Variants in SMARCC1 observed in about 807,000 individuals in gnomAD.
The protein encoded by SMARCC1 is SWI/SNF complex subunit SMARCC1.
A neutral mutation model predicts 147.4 loss-of-function variants in SMARCC1; 43 were observed. That is an observed-to-expected ratio of 0.29 (90% CI 0.23 to 0.38). The LOEUF is 0.38. Ranked by LOEUF, SMARCC1 falls within the 10% of genes least tolerant of loss-of-function variation. The pLI, the probability that SMARCC1 is intolerant of heterozygous loss-of-function variation, is 1.00. For synonymous variants in SMARCC1, 495 were observed against 484.4 expected (o/e 1.02, Z -0.29); for missense variants, 1,119 against 1,381.1 (o/e 0.81, Z 3.01).
chr3:47,694,238 A>G (rs1200136227), intron 11 of SMARCC1, among the ~76,000 whole-genome samples: 1 of 152,332 alleles, frequency 6.6e-6, no homozygotes, highest in Non-Finnish European at 1.5e-5. Flanking sequence ...TTGTGGGTGC[A>G]TGCAATTATT....
intron 21 of SMARCC1, among the ~76,000 whole-genome samples, chr3:47,649,962 T>C (rs1430114278): frequency 1.3e-5 from 2 of 152,164 alleles, no homozygotes; most frequent in African/African-American, 4.8e-5. Flanking sequence ...CAAAGAATCA[T>C]CGAATGTCTT....
rs2033997080 is a variant in SMARCC1 at position 47,706,529 on chromosome 3, G to A, written c.920C>T (p.Pro307Leu). The change falls in exon 10 of 28, where the codon CCA becomes CTA. Residue 307 changes from proline (P) to leucine (L), a missense_variant and splice_region_variant. By Grantham distance (98) the Pro-to-Leu change is moderately conservative. Around this residue, in one of 6 missense-constraint regions of SMARCC1, gnomAD observed 542 missense variants for 611.8 expected, o/e 0.89. Transcript: ENST00000254480. ...ATCTCTTCTTTCTGGACTTCTGACT[G>A]GCTAGGAAGAAGTAAATGGAAATAA... ...RQRISTKNEE[P>L]VRSPERRDRK... 1 of 1,560,620 alleles carries A rather than the reference G, an allele frequency of 6.4e-7. No homozygotes were observed. The highest frequency in any genetic ancestry group is 8.6e-7 in the Non-Finnish European group (1 of 1,158,738).
intron 11 of SMARCC1, among the ~76,000 whole-genome samples, chr3:47,696,243 G>A (rs1252138723): frequency 6.6e-5 from 10 of 151,644 alleles, no homozygotes; most frequent in African/African-American, 9.7e-5. Context: ...GCGTGGTGGC[G>A]GGCGCCTATA....
intron 12 of SMARCC1, among the ~76,000 whole-genome samples, chr3:47,692,688 C>T (rs1038600113): frequency 1.3e-5 from 2 of 152,094 alleles, no homozygotes; most frequent in African/African-American, 4.8e-5. Flanking sequence ...GAATAAGCCA[C>T]AGCTAATATC....
chr3:47,704,013 T>C (rs1329780772), intron 10 of SMARCC1, among the ~76,000 whole-genome samples: 1 of 152,096 alleles, frequency 6.6e-6, no homozygotes, highest in African/African-American at 2.4e-5. Flanking sequence ...TTAGCCAGCA[T>C]GGTCTCAATC....
At chr3:47,600,998 T>TGAGAGAGGGAGAGA (rs2032373549) in intron 26 of SMARCC1, among the ~76,000 whole-genome samples, 1 of 85,194 alleles carries the variant, frequency 1.2e-5, no homozygotes, top group African/African-American at 5.1e-5. Flanking sequence ...AGGAAGAAAA[T>TGAGAGAGGGAGAGA]GAGAGAGAGA....
chr3:47,595,203 GT>G (rs1407017189), intron 26 of SMARCC1, among the ~76,000 whole-genome samples: 1 of 152,256 alleles, frequency 6.6e-6, no homozygotes, highest in South Asian at 2.1e-4. Flanking sequence ...TGCTAGGAAA[GT>G]TTGTGTACGG....
intron 27 of SMARCC1, among the ~76,000 whole-genome samples, 178 bp from the exon 28 acceptor site, chr3:47,588,484 G>A (rs1304515891): frequency 6.6e-6 from 1 of 152,056 alleles, no homozygotes; most frequent in Non-Finnish European, 1.5e-5. Flanking sequence ...GAACCTCTAG[G>A]GCACTGCTCA....
chr3:47,769,292 G>A (rs757694583), intron 2 of SMARCC1, among the ~76,000 whole-genome samples: 3 of 145,452 alleles, frequency 2.1e-5, no homozygotes, highest in Non-Finnish European at 3.0e-5. Flanking sequence ...AGAGGTGGCC[G>A]GATCATGAGG....
intron 3 of SMARCC1, among the ~76,000 whole-genome samples, chr3:47,738,633 G>C (rs1404058201): frequency 6.6e-6 from 1 of 151,944 alleles, no homozygotes; most frequent in Non-Finnish European, 1.5e-5. Flanking sequence ...GCAGTGAGCC[G>C]GGATCACGCC....
intron 24 of SMARCC1, among the ~76,000 whole-genome samples, chr3:47,628,641 C>T (rs2032844976): frequency 6.6e-6 from 1 of 152,122 alleles, no homozygotes; most frequent in Admixed American, 6.6e-5. Context: ...GGCATGATCT[C>T]AGCTCACTGA....
intron 7 of SMARCC1, among the ~76,000 whole-genome samples, chr3:47,719,015 C>A (rs2034197803): frequency 6.6e-6 from 1 of 152,138 alleles, no homozygotes. Flanking sequence ...GGGGTTCATG[C>A]CATTCTCCTG....
intron 24 of SMARCC1, among the ~76,000 whole-genome samples, chr3:47,632,524 G>A (rs1304588744): frequency 6.6e-6 from 1 of 152,030 alleles, no homozygotes; most frequent in African/African-American, 2.4e-5. Flanking sequence ...ATCAAGAGGA[G>A]AAACTGGCCA....
intron 26 of SMARCC1, 143 bp from the exon 27 acceptor site, chr3:47,590,980 CTA>C (rs2032172079): frequency 6.8e-6 from 5 of 739,238 alleles, no homozygotes; most frequent in African/African-American, 1.9e-5. Context: ...GTAATAATCT[CTA>C]TGTTTAGCTT....
intron 21 of SMARCC1, among the ~76,000 whole-genome samples, chr3:47,655,406 A>T (rs537443135): frequency 2.3e-4 from 35 of 152,150 alleles, no homozygotes; most frequent in Non-Finnish European, 4.1e-4. Context: ...CTCAAAAAAA[A>T]TAATAATAGG....
chr3:47,751,662 T>C (rs1055145291), intron 2 of SMARCC1, among the ~76,000 whole-genome samples: 2 of 151,478 alleles, frequency 1.3e-5, no homozygotes, highest in Non-Finnish European at 2.9e-5. Context: ...AGCCCAGGAG[T>C]TCGAGACCCG....
At chr3:47,748,394 T>G (rs554740876) in intron 2 of SMARCC1, among the ~76,000 whole-genome samples, 3 of 152,034 alleles carry the variant, frequency 2.0e-5, no homozygotes, top group Non-Finnish European at 4.4e-5. Context: ...TTTTTCTGTT[T>G]TTTGCATATT....
intron 6 of SMARCC1, among the ~76,000 whole-genome samples, chr3:47,723,349 T>A (rs1462141825): frequency 6.7e-6 from 1 of 149,734 alleles, no homozygotes; most frequent in African/African-American, 2.4e-5. Flanking sequence ...TGGGTTTTTT[T>A]GTTGGGTTTT....
rs1464140493 is a variant in SMARCC1, at chr3:47,590,679, T to A, written c.3202A>T (p.Thr1068Ser). Residue 1068 changes from threonine to serine, a missense_variant, in exon 27 of 28, where the codon ACA (threonine) becomes TCA (serine). Thr to Ser is a moderately conservative substitution (Grantham distance 58). Transcript: ENST00000254480. Reference protein sequence around the residue: ...GNILGPRVPLTAPNGMYPPPP... With the variant: ...GNILGPRVPLSAPNGMYPPPP... ...TACTTACACATGCCGTTAGGTGCTG[T>A]CAGGGGTACCCGGGGTCCTAAGATG... 6.4e-7 allele frequency: 1 copy of A among 1,555,240 alleles called. No individual in the cohort carries two copies.
Sources: gnomAD v4.1 joint callset for allele counts (sites outside exome capture counted in the v4.1 genomes callset) on GRCh38, gnomAD v4.1.1 for gene constraint, gnomAD v4.1.1 regional missense constraint, MANE v1.5 for transcripts, NCBI Gene and HGNC (gene_info 2026-07-23, HGNC 2026-07-21) for gene names.